Variants in GLRA1 observed in about 807,000 individuals in gnomAD.
The protein encoded by GLRA1 is glycine receptor subunit alpha-1.
Under a neutral mutation model 48.3 loss-of-function variants are expected in GLRA1, and 37 were observed. That is an observed-to-expected ratio of 0.77 (90% CI 0.59 to 1.01). GLRA1 has a LOEUF of 1.01. Ranked by LOEUF, GLRA1 falls within the 50% of genes least tolerant of loss-of-function variation. The probability of loss-of-function intolerance (pLI) is 0.00; values close to 1 mark genes in which losing one functional copy is unlikely to be tolerated. For missense variants in GLRA1, 427 were observed against 571.0 expected, an observed-to-expected ratio of 0.75 and a Z score of 2.57; for synonymous variants, 196 against 210.7, an observed-to-expected ratio of 0.93 and a Z score of 0.60.
intron 2 of GLRA1, among the ~76,000 whole-genome samples, chr5:151,891,562 G>A (rs1754069679): frequency 1.3e-5 from 2 of 152,150 alleles, no homozygotes; most frequent in African/African-American, 4.8e-5. Context: ...GCTAAGAAGA[G>A]GCTGCCCCTG....
intron 3 of GLRA1, among the ~76,000 whole-genome samples, chr5:151,867,641 C>A (rs1753371774): frequency 6.6e-6 from 1 of 152,158 alleles, no homozygotes; most frequent in Non-Finnish European, 1.5e-5. Context: ...AATCCTATGA[C>A]TTGGGCATTT....
chr5:151,841,024 A>G (rs1164832109), intron 7 of GLRA1, among the ~76,000 whole-genome samples: 4 of 152,188 alleles, frequency 2.6e-5, no homozygotes, highest in African/African-American at 9.6e-5. Flanking sequence ...CTGTAAACCA[A>G]CTAGACCTAA....
At chr5:151,912,261 T>A (rs1489192141) in intron 1 of GLRA1, among the ~76,000 whole-genome samples, 1 of 98,798 alleles carries the variant, frequency 1.0e-5, no homozygotes, top group Non-Finnish European at 2.0e-5. Context: ...CTGTGAAGAC[T>A]GTTTTTTTTT....
intron 8 of GLRA1, among the ~76,000 whole-genome samples, chr5:151,828,239 T>A (rs1763329192): frequency 6.6e-6 from 1 of 152,192 alleles, no homozygotes; most frequent in African/African-American, 2.4e-5. Context: ...TTTGAAGAAC[T>A]AAGAAAAAAG....
At chr5:151,887,916 G>A (rs1753956499) in intron 2 of GLRA1, among the ~76,000 whole-genome samples, 1 of 152,240 alleles carries the variant, frequency 6.6e-6, no homozygotes, top group Non-Finnish European at 1.5e-5. Flanking sequence ...GCCTGGAGAT[G>A]ACTTTGAAGG....
At chr5:151,865,512 G>C (rs1753312502) in intron 3 of GLRA1, among the ~76,000 whole-genome samples, 1 of 152,154 alleles carries the variant, frequency 6.6e-6, no homozygotes. Flanking sequence ...CTTGCAAGCT[G>C]TACTGAGAAA....
At chr5:151,888,877 C>G (rs1753985860) in intron 2 of GLRA1, among the ~76,000 whole-genome samples, 1 of 152,168 alleles carries the variant, frequency 6.6e-6, no homozygotes, top group African/African-American at 2.4e-5. Context: ...ATTTTTTTGT[C>G]CTTGTGTTGA....
At chr5:151,853,164 C>T (rs1752952228) in intron 6 of GLRA1, among the ~76,000 whole-genome samples, 1 of 152,128 alleles carries the variant, frequency 6.6e-6, no homozygotes, top group Non-Finnish European at 1.5e-5. Flanking sequence ...TTCTGGAGAT[C>T]TAATGTACAG....
At chr5:151,833,990 A>T (rs955601763) in intron 7 of GLRA1, among the ~76,000 whole-genome samples, 1 of 152,174 alleles carries the variant, frequency 6.6e-6, no homozygotes, top group Non-Finnish European at 1.5e-5. Flanking sequence ...GTTCTTAGAG[A>T]CCTACAAAGA....
intron 3 of GLRA1, among the ~76,000 whole-genome samples, chr5:151,867,671 G>A (rs905640507): frequency 6.6e-6 from 1 of 152,162 alleles, no homozygotes; most frequent in South Asian, 2.1e-4. Context: ...TTTTATAGAT[G>A]AAGAAAGTGC....
chr5:151,868,829 CT>C (rs1312736783), intron 3 of GLRA1, among the ~76,000 whole-genome samples: 1 of 152,210 alleles, frequency 6.6e-6, no homozygotes, highest in East Asian at 1.9e-4. Context: ...TGCTTGTGGA[CT>C]GCCCAGATCC....
intron 1 of GLRA1, among the ~76,000 whole-genome samples, chr5:151,907,262 A>C (rs1158531687): frequency 6.6e-6 from 1 of 152,230 alleles, no homozygotes; most frequent in Non-Finnish European, 1.5e-5. Context: ...TATTAAGCGA[A>C]AAATTATCTA....
intron 7 of GLRA1, among the ~76,000 whole-genome samples, chr5:151,837,066 C>T (rs1763597060): frequency 6.6e-6 from 1 of 152,154 alleles, no homozygotes; most frequent in South Asian, 2.1e-4. Context: ...GCAATCTATC[C>T]ATCTGACAAA....
chr5:151,828,754 T>C (rs1763340276), intron 8 of GLRA1, among the ~76,000 whole-genome samples, 167 bp downstream of exon 8: 1 of 152,168 alleles, frequency 6.6e-6, no homozygotes, highest in South Asian at 2.1e-4. Flanking sequence ...AGGGCATTAT[T>C]TATGGGAGGG....
At chr5:151,848,145 T>G (rs1348243757) in intron 7 of GLRA1, among the ~76,000 whole-genome samples, 1 of 152,226 alleles carries the variant, frequency 6.6e-6, no homozygotes, top group East Asian at 1.9e-4. Context: ...TTGGATGGCA[T>G]CTGGGAACTT....
rs557090556 is a variant in GLRA1, at chr5:151,846,631, C to T, written c.912+4759G>A. Among the ~76,000 whole-genome samples, 15 of 152,112 alleles carry T rather than the reference C, an allele frequency of 9.9e-5. No homozygotes were observed. The East Asian group carries it at 2.7e-3, about 27-fold the overall frequency. ...AAATGAAACAGAATGTTGTGTCTCA[C>T]GTTAAAAGTTAATGGAATAGTCAGT... On this transcript the variant is annotated intron_variant, in intron 7 of 8. Coordinates refer to ENST00000274576, the MANE Select transcript of GLRA1 (RefSeq NM_000171.4).
chr5:151,849,838 G>A, intron 7 of GLRA1: 1 of 1,316,706 alleles, frequency 7.6e-7, no homozygotes, highest in Non-Finnish European at 9.9e-7. Context: ...ACAGGCATGA[G>A]CCACCATGCC....
intron 1 of GLRA1, among the ~76,000 whole-genome samples, chr5:151,911,939 A>C (rs1754622980): frequency 6.6e-6 from 1 of 152,126 alleles, no homozygotes; most frequent in Non-Finnish European, 1.5e-5. Context: ...CTGGGCCTTC[A>C]ATATGCCAAC....
chr5:151,881,492 ATTTTTTTTT>A (rs3033233), intron 3 of GLRA1, among the ~76,000 whole-genome samples: 1 of 116,842 alleles, frequency 8.6e-6, no homozygotes, highest in Non-Finnish European at 1.7e-5. Flanking sequence ...ATGCCCTGCA[ATTTTTTTTT>A]TTTTTTTTTT....
Sources: allele counts gnomAD v4.1 joint callset (sites outside exome capture counted in the v4.1 genomes callset), GRCh38; gene constraint gnomAD v4.1.1; transcripts MANE v1.5; gene names NCBI Gene and HGNC (gene_info 2026-07-23, HGNC 2026-07-21).